The following PRMT3 variants were observed in gnomAD, a reference collection of about 807,000 sequenced individuals.
PRMT3 encodes protein arginine N-methyltransferase 3.
A neutral mutation model predicts 71.9 loss-of-function variants in PRMT3; 62 were observed. That is an observed-to-expected ratio of 0.86 (90% confidence interval 0.70 to 1.07). The LOEUF is 1.07. Among genes scored for constraint, PRMT3 ranks in the 50% least tolerant of loss-of-function variants. The pLI is 0.00. For missense variants in PRMT3, 663 were observed against 643.0 expected (o/e 1.03, Z -0.34); for synonymous variants, 213 against 220.4 (o/e 0.97, Z 0.30).
At chr11:20,444,265 A>G (rs1362247219) in intron 10 of PRMT3, among the ~76,000 whole-genome samples, 1 of 152,196 alleles carries the variant, frequency 6.6e-6, no homozygotes, top group African/African-American at 2.4e-5. Context: ...ACACTCTATT[A>G]TAAACATGTA....
intron 10 of PRMT3, among the ~76,000 whole-genome samples, chr11:20,448,488 T>G (rs1022821586): frequency 1.3e-5 from 2 of 152,142 alleles, no homozygotes; most frequent in Admixed American, 6.6e-5. Flanking sequence ...AGGTAATCTT[T>G]AAGTATTTCA....
At chr11:20,407,883 TG>T (rs780457891) in intron 8 of PRMT3, 27 bp from the exon 9 acceptor site, 3 of 1,579,540 alleles carry the variant, frequency 1.9e-6, no homozygotes, top group Non-Finnish European at 2.6e-6. Context: ...ACATCTGTTT[TG>T]TTTTGGTTTT....
intron 8 of PRMT3, chr11:20,406,279 G>A (rs565659063): frequency 3.9e-5 from 6 of 152,322 alleles, no homozygotes; most frequent in South Asian, 4.1e-4. Context: ...GTTTAGAACC[G>A]TGACAAGAGA....
chr11:20,496,780 A>G (rs553779846), intron 15 of PRMT3, among the ~76,000 whole-genome samples: 26 of 152,332 alleles, frequency 1.7e-4, no homozygotes, highest in Non-Finnish European at 2.5e-4. Context: ...CATAAATTCT[A>G]TAGCTTCAGT....
chr11:20,470,566 CG>C (rs1850620180), intron 13 of PRMT3, among the ~76,000 whole-genome samples: 1 of 152,134 alleles, frequency 6.6e-6, no homozygotes, highest in Non-Finnish European at 1.5e-5. Context: ...GACATGATCT[CG>C]TTCCTTTTTA....
At chr11:20,427,107 T>C (rs1012479268) in intron 10 of PRMT3, among the ~76,000 whole-genome samples, 1 of 152,180 alleles carries the variant, frequency 6.6e-6, no homozygotes, top group African/African-American at 2.4e-5. Flanking sequence ...TGATAAATTA[T>C]CTTTTTTATC....
chr11:20,497,901 T>G (rs988731289), intron 15 of PRMT3, among the ~76,000 whole-genome samples: 3 of 152,176 alleles, frequency 2.0e-5, no homozygotes, highest in African/African-American at 7.2e-5. Context: ...AATGGATACA[T>G]TCAACCAAAC....
At chr11:20,399,067 T>G (rs996403961) in intron 7 of PRMT3, among the ~76,000 whole-genome samples, 2 of 152,352 alleles carry the variant, frequency 1.3e-5, no homozygotes, top group African/African-American at 4.8e-5. Context: ...ATTGAGAATA[T>G]CTACATAGAG....
In PRMT3 at chr11:20,508,395, A is replaced by C. The variant is rs777545081; in HGVS notation, c.1578A>C (p.Gln526His). 5 of 1,604,822 alleles carry C rather than the reference A, an allele frequency of 3.1e-6. No homozygotes were observed. The highest frequency in any genetic ancestry group is 2.2e-5 in the South Asian group (2 of 90,866). ...CCCTCACGTTGAATAATTCAACTCA[A>C]ACTTATGGTCTCCAGTGAAACAGCC... ...TVTLTLNNST[Q>H]TYGLQ The change falls in exon 16 of 16, where the codon CAA (glutamine) becomes CAC (histidine). Residue 526 changes from glutamine (Q) to histidine (H), a missense_variant. Transcript: ENST00000331079.
In PRMT3 at chr11:20,440,374, G is replaced by A. The variant is rs188717926; in HGVS notation, c.994-11756G>A. Among the ~76,000 whole-genome samples the A allele has an allele frequency of 3.5e-3, 534 of 151,970 alleles. 21 individuals are homozygous for A. The East Asian group carries it at 0.076, about 22-fold the overall frequency. ...TGACTCTTAAAAAGAGGCCGGGTGT[G>A]GTGGCTCACGCCTGTAATCCCAGCA... On this transcript the variant is annotated intron_variant, in intron 10 of 15. Coordinates refer to ENST00000331079, the MANE Select transcript of PRMT3 (RefSeq NM_005788.4).
At chr11:20,459,094 A>G (rs1209008163) in intron 11 of PRMT3, among the ~76,000 whole-genome samples, 1 of 152,194 alleles carries the variant, frequency 6.6e-6, no homozygotes. Context: ...GGCCATAGAC[A>G]ACATGTAAAC....
At chr11:20,508,249 T>C in intron 15 of PRMT3, 55 bp from the exon 16 acceptor site, 1 of 1,020,854 alleles carries the variant, frequency 9.8e-7, no homozygotes, top group Non-Finnish European at 1.5e-6. Flanking sequence ...ATTGTTTACT[T>C]TTCTGCTACA....
intron 15 of PRMT3, among the ~76,000 whole-genome samples, chr11:20,501,986 T>G (rs1851468063): frequency 6.6e-6 from 1 of 152,258 alleles, no homozygotes; most frequent in Non-Finnish European, 1.5e-5. Context: ...TGATTTGTTG[T>G]GTTTTTCTTT....
intron 13 of PRMT3, 39 bp downstream of exon 13, chr11:20,464,585 A>C (rs771808675): frequency 4.4e-6 from 7 of 1,603,230 alleles, no homozygotes; most frequent in Non-Finnish European, 5.9e-6. Flanking sequence ...TTTCACTAGC[A>C]GTGCAGTTGA....
At chr11:20,457,540 A>ATT (rs906556362) in intron 11 of PRMT3, among the ~76,000 whole-genome samples, 5 of 152,228 alleles carry the variant, frequency 3.3e-5, no homozygotes, top group African/African-American at 1.2e-4. Context: ...ACTTTGTAAA[A>ATT]TTATTCAAAA....
chr11:20,408,531 A>G (rs1369008812), intron 9 of PRMT3, among the ~76,000 whole-genome samples: 1 of 152,128 alleles, frequency 6.6e-6, no homozygotes, highest in Non-Finnish European at 1.5e-5. Flanking sequence ...GATTTAGTTT[A>G]TTACCCCCTA....
chr11:20,396,873 C>G lies in PRMT3; in HGVS notation c.561-704C>G, dbSNP rs570968625. ...ATTTCTGACAAGTATACCTCACAGGCCTTCCTGTTGGATTTGTAAGCTGTT... is the reference window on the plus strand; with the variant it reads ...ATTTCTGACAAGTATACCTCACAGGGCTTCCTGTTGGATTTGTAAGCTGTT... On this transcript the variant is annotated intron_variant, in intron 6 of 15. Coordinates refer to ENST00000331079, the MANE Select transcript of PRMT3 (RefSeq NM_005788.4). Among the ~76,000 whole-genome samples, 7 of 152,302 alleles carry G rather than the reference C, an allele frequency of 4.6e-5. No homozygotes were observed. In the East Asian group the frequency reaches 1.2e-3, roughly 25 times the overall value.
intron 8 of PRMT3, among the ~76,000 whole-genome samples, chr11:20,403,197 T>C (rs1457325086): frequency 6.6e-6 from 1 of 152,222 alleles, no homozygotes; most frequent in Admixed American, 6.5e-5. Context: ...AATTGAAAGT[T>C]ATTACAATGG....
intron 11 of PRMT3, among the ~76,000 whole-genome samples, chr11:20,456,785 T>C (rs1434828971): frequency 1.3e-5 from 2 of 152,218 alleles, no homozygotes; most frequent in East Asian, 3.8e-4. Context: ...CAATTTGGAA[T>C]TGGATAAATT....
Sources: gnomAD v4.1 joint callset for allele counts (sites outside exome capture counted in the v4.1 genomes callset) on GRCh38, gnomAD v4.1.1 for gene constraint, MANE v1.5 for transcripts, NCBI Gene and HGNC (gene_info 2026-07-23, HGNC 2026-07-21) for gene names.